PLEKHA6: variants seen among roughly 807,000 people sequenced by gnomAD.
PLEKHA6 encodes pleckstrin homology domain containing A6.
A neutral mutation model predicts 116.7 loss-of-function variants in PLEKHA6; 60 were observed. The observed-to-expected ratio is 0.51, with a 90% CI of 0.42 to 0.64. The LOEUF is 0.64. Ranked by LOEUF, PLEKHA6 falls within the 30% of genes least tolerant of loss-of-function variation. The pLI, the probability that PLEKHA6 is intolerant of heterozygous loss-of-function variation, is 0.00. For synonymous variants in PLEKHA6, 489 were observed against 556.1 expected (o/e 0.88, Z 1.70); for missense variants, 1,338 against 1,422.7 (o/e 0.94, Z 0.96).
chr1:204,241,272 G>A, intron 17 of PLEKHA6, 103 bp downstream of exon 17: 1 of 721,106 alleles, frequency 1.4e-6, no homozygotes, highest in South Asian at 1.7e-5. Context: ...TTCCTCTCCA[G>A]CCCTGAATTT....
At chr1:204,370,100 C>G (rs1673745412) in intron 2 of PLEKHA6, among the ~76,000 whole-genome samples, 1 of 152,224 alleles carries the variant, frequency 6.6e-6, no homozygotes, top group African/African-American at 2.4e-5. Flanking sequence ...GATCTCTCTG[C>G]CTCCAAAATG....
intron 9 of PLEKHA6, chr1:204,251,452 T>C: frequency 1.5e-6 from 1 of 676,224 alleles, no homozygotes. Flanking sequence ...GTGAGCCTCA[T>C]CCTAGATGGG....
At chr1:204,273,821 GC>G (rs1317700514) in intron 2 of PLEKHA6, 81 bp from the exon 3 acceptor site, 11 of 933,172 alleles carry the variant, frequency 1.2e-5, no homozygotes, top group Non-Finnish European at 1.7e-5. Context: ...TCCACACCCT[GC>G]CACCCACTGT....
chr1:204,229,256 T>A, intron 18 of PLEKHA6, 152 bp from the exon 19 acceptor site: 1 of 748,432 alleles, frequency 1.3e-6, no homozygotes, highest in Non-Finnish European at 2.1e-6. Flanking sequence ...CTATCTTCCT[T>A]CCTTTCTGCT....
At chr1:204,233,171 CT>C (rs144754011) in intron 17 of PLEKHA6, among the ~76,000 whole-genome samples, 12 of 137,106 alleles carry the variant, frequency 8.8e-5, no homozygotes, top group Admixed American at 5.4e-4. Flanking sequence ...TTCTTTCTTT[CT>C]TTTTTTTTCT....
At chr1:204,245,575 G>A (rs1382631275) in intron 14 of PLEKHA6, 40 bp downstream of exon 14, 5 of 1,217,678 alleles carry the variant, frequency 4.1e-6, no homozygotes, top group Non-Finnish European at 6.1e-6. Context: ...CACTCCTGGT[G>A]AGGCAGGCAG....
At chr1:204,349,973 G>A (rs886102533) in intron 1 of PLEKHA6, among the ~76,000 whole-genome samples, 2 of 152,236 alleles carry the variant, frequency 1.3e-5, no homozygotes, top group African/African-American at 4.8e-5. Flanking sequence ...TAACACGCAT[G>A]TGCTCCTGGA....
rs1662382770 is a variant in PLEKHA6, at chr1:204,238,580, T to A, written c.2409+2795A>T. Among the ~76,000 whole-genome samples, 1 of 152,134 alleles carries A rather than the reference T, an allele frequency of 6.6e-6. No homozygotes were observed. Among genetic ancestry groups the A allele is most frequent in the Non-Finnish European group, 1.5e-5 (1 of 68,032 alleles). ...TCAAATGGAAGTGGTATATATGTGA[T>A]CAGGCTCGAGCAGGTCCTGAAGGCA... On this transcript the variant is annotated intron_variant, in intron 17 of 22. Coordinates refer to ENST00000272203, the MANE Select transcript of PLEKHA6 (RefSeq NM_014935.5). This position sits in a 1 kb window ranked among gnomAD's most constrained non-coding sequence, Gnocchi z 4.2.
chr1:204,280,896 C>T, intron 1 of PLEKHA6: 6 of 395,688 alleles, frequency 1.5e-5, no homozygotes, highest in Non-Finnish European at 2.1e-5. Context: ...GGAGAAAATA[C>T]ACTTTCCTAG....
rs188945088 is a variant in PLEKHA6, at chr1:204,222,654, G to A, written c.*134C>T. On this transcript the variant is annotated 3_prime_UTR_variant, in exon 23 of 23. Transcript: ENST00000272203. ...CCATGGCCCCAGCCTGGCTCCCTGC[G>A]GCATTCCCATGGGAGTGCAGGGGCA... The A allele has an allele frequency of 9.2e-5, 14 of 152,850 alleles. No individual in the cohort carries two copies. The highest frequency in any genetic ancestry group is 1.5e-4 in the Non-Finnish European group (10 of 68,082). The allele number at this position is 152,850 out of a possible 1,614,324, so 9.5% of individuals were successfully genotyped here. A position where few individuals can be genotyped will look rare whatever the true frequency, so the allele number is the denominator to read the frequency against.
intron 3 of PLEKHA6, 107 bp from the exon 4 acceptor site, chr1:204,268,419 G>A: frequency 6.7e-6 from 4 of 599,430 alleles, no homozygotes; most frequent in South Asian, 3.5e-5. Context: ...GGTTAACCCT[G>A]GGGTGCCCTC....
intron 9 of PLEKHA6, chr1:204,251,495 A>G (rs561309436): frequency 2.6e-5 from 18 of 701,024 alleles, no homozygotes; most frequent in Non-Finnish European, 4.7e-5. Context: ...CTGAAATGGC[A>G]TTGGCAGGGA....
At chr1:204,334,026 A>C (rs192477807) in intron 1 of PLEKHA6, among the ~76,000 whole-genome samples, 1 of 152,334 alleles carries the variant, frequency 6.6e-6, no homozygotes, top group African/African-American at 2.4e-5. Context: ...TCTTGAACAC[A>C]ACAGCCAAGG....
chr1:204,318,954 G>A (rs1671960296), intron 1 of PLEKHA6, among the ~76,000 whole-genome samples: 1 of 152,170 alleles, frequency 6.6e-6, no homozygotes. Context: ...TCCAGTAAAT[G>A]GGAGAACAGA....
intron 9 of PLEKHA6, chr1:204,255,823 T>C (rs1665207387): frequency 1.6e-6 from 1 of 630,444 alleles, no homozygotes; most frequent in Admixed American, 2.5e-5. Flanking sequence ...CTTGAGGAGT[T>C]CTCAGGAAGG....
In PLEKHA6 at chr1:204,241,721, C is replaced by T. The variant is rs1214817693; in HGVS notation, c.2266G>A (p.Glu756Lys). 5.0e-6 allele frequency: 8 copies of T among 1,610,354 alleles called. No homozygotes were observed. Among genetic ancestry groups the T allele is most frequent in the East Asian group, 2.2e-5 (1 of 44,880 alleles). ...RDISLVPTRQ[E>K]VEAEKQAALN... ...GCTGCCTGCTTCTCTGCCTCTACCT[C>T]TTGCCTGGTGGGCACAAGGCTGATG... Residue 756 changes from glutamate (E) to lysine (K), a missense_variant, in exon 16 of 23, where the codon GAG (glutamate) becomes AAG (lysine). Glu to Lys is a moderately conservative substitution (Grantham distance 56). Around this residue, in one of 3 missense-constraint regions of PLEKHA6, gnomAD observed 1,136 missense variants for 1,163.6 expected, o/e 0.98. Transcript: ENST00000272203.
chr1:204,308,487 T>A (rs1372864848), intron 1 of PLEKHA6, among the ~76,000 whole-genome samples: 2 of 151,694 alleles, frequency 1.3e-5, no homozygotes, highest in Admixed American at 6.6e-5. Context: ...GACCACTGAT[T>A]GCAAGAAAAA....
At chr1:204,266,303 C>T (rs1290229289) in intron 5 of PLEKHA6, among the ~76,000 whole-genome samples, 1 of 152,196 alleles carries the variant, frequency 6.6e-6, no homozygotes, top group Non-Finnish European at 1.5e-5. Flanking sequence ...TCCAGGCCAG[C>T]ATTTAGGGGA....
Position 204,257,864 on chromosome 1 carries a change from GA to G in PLEKHA6, c.1012del (p.Ser338LeufsTer162). 1 of 1,598,884 alleles carries G rather than the reference GA, an allele frequency of 6.3e-7. No individual in the cohort carries two copies. Among genetic ancestry groups the G allele is most frequent in the Non-Finnish European group, 8.6e-7 (1 of 1,168,786 alleles). On this transcript the variant is annotated frameshift_variant, in exon 9 of 23. Transcript: ENST00000272203. LOFTEE classifies it high-confidence loss of function. This position sits in a 1 kb window ranked among gnomAD's most constrained non-coding sequence, Gnocchi z 6.5. ...VPPPEDLRSP[S>X]RFYPVSRRVP... ...CCTGCGAGACACAGGATAGAACCTAGAGGGACTGAGAGAGAGGGGACATTGT... is the reference window on the plus strand; with the variant it reads ...CCTGCGAGACACAGGATAGAACCTAGGGGACTGAGAGAGAGGGGACATTGT...
Sources: gnomAD v4.1 joint callset for allele counts (sites outside exome capture counted in the v4.1 genomes callset) on GRCh38, gnomAD v4.1.1 for gene constraint, gnomAD v4.1.1 regional missense constraint, Gnocchi (gnomAD v3.1) non-coding constraint, MANE v1.5 for transcripts, NCBI Gene and HGNC (gene_info 2026-07-23, HGNC 2026-07-21) for gene names.